Variants in CAST observed in about 807,000 individuals in gnomAD.
The protein encoded by CAST is calpastatin.
CAST carries 76 observed loss-of-function variants against 119.6 expected under a neutral mutation model. That is an observed-to-expected ratio of 0.64 (90% CI 0.53 to 0.77). CAST has a LOEUF of 0.77. Among genes scored for constraint, CAST ranks in the 30% least tolerant of loss-of-function variants. The pLI is 0.00. For synonymous variants in CAST, 319 were observed against 331.6 expected (o/e 0.96, Z 0.41); for missense variants, 953 against 946.5 (o/e 1.01, Z -0.09).
At chr5:96,451,174 G>A in the CAST span, among the ~76,000 whole-genome samples, 1 of 152,128 alleles carries the variant, frequency 6.6e-6, no homozygotes, top group Non-Finnish European at 1.5e-5. Context: ...GTACACTCCT[G>A]GAGGGCAGAC....
the CAST span, among the ~76,000 whole-genome samples, chr5:96,491,407 C>T: frequency 7.3e-6 from 1 of 137,350 alleles, no homozygotes; most frequent in African/African-American, 2.7e-5. Context: ...AGGAGAATGG[C>T]GTGAACCCGG....
At chr5:96,751,271 T>C (rs568684089) in intron 20 of CAST, among the ~76,000 whole-genome samples, 30 of 152,360 alleles carry the variant, frequency 2.0e-4, no homozygotes, top group African/African-American at 7.0e-4. Flanking sequence ...GATGGAATTA[T>C]ATTTCAATTG....
intron 1 of CAST, among the ~76,000 whole-genome samples, chr5:96,656,122 T>G (rs1267792359): frequency 6.6e-6 from 1 of 152,254 alleles, no homozygotes; most frequent in Non-Finnish European, 1.5e-5. Context: ...TGAAACTTCA[T>G]GTTCAAATCA....
rs768345413 is a variant in CAST, at chr5:96,750,543, C to T, written c.1429-44C>T. The T allele has an allele frequency of 1.3e-5, 17 of 1,293,738 alleles. No individual in the cohort carries two copies. In the Admixed American group the frequency reaches 2.9e-4, roughly 22 times the overall value. The allele number at this position is 1,293,738 out of a possible 1,614,324, so 80.1% of individuals were successfully genotyped here. On this transcript the variant is annotated intron_variant, in intron 19 of 31. Transcript: ENST00000675179. ...TCTACCATTACTCAGTCTTATTAAC[C>T]AAATATTTCTAAACTTATTGAGAGT...
At chr5:96,289,588 G>T in the CAST span, among the ~76,000 whole-genome samples, 1 of 152,120 alleles carries the variant, frequency 6.6e-6, no homozygotes, top group East Asian at 1.9e-4. Context: ...CTTCTGCCAT[G>T]ATTGTGTGGC....
At chr5:96,606,280 G>C (rs1747253964) in intron 1 of CAST, among the ~76,000 whole-genome samples, 1 of 152,254 alleles carries the variant, frequency 6.6e-6, no homozygotes, top group Non-Finnish European at 1.5e-5. Context: ...TTTGGAAGCA[G>C]TTAACCAGTA....
intron 1 of CAST, among the ~76,000 whole-genome samples, chr5:96,619,639 C>G (rs770330964): frequency 6.6e-6 from 1 of 152,222 alleles, no homozygotes; most frequent in Non-Finnish European, 1.5e-5. Context: ...AGGTCTACAG[C>G]TTCACTCCTG....
the CAST span, among the ~76,000 whole-genome samples, chr5:96,060,720 T>C: frequency 6.6e-6 from 1 of 152,126 alleles, no homozygotes; most frequent in Non-Finnish European, 1.5e-5. Flanking sequence ...AGGCTGACCA[T>C]ATGATATAAG....
chr5:96,129,415 T>C, the CAST span, among the ~76,000 whole-genome samples: 1 of 152,032 alleles, frequency 6.6e-6, no homozygotes, highest in East Asian at 1.9e-4. Context: ...CAAGAGGAAG[T>C]CTTGTCCTGG....
the CAST span, among the ~76,000 whole-genome samples, chr5:96,069,591 T>C: frequency 6.6e-6 from 1 of 151,774 alleles, no homozygotes; most frequent in South Asian, 2.1e-4. Flanking sequence ...CAAGTGGTCC[T>C]TCCATCTCAG....
Position 96,596,595 on chromosome 5 carries a change from G to A in CAST, c.60+66715G>A, listed in dbSNP as rs143346434. On this transcript the variant is annotated intron_variant, in intron 1 of 11. Coordinates refer to the CAST transcript ENST00000505143. ...GGACTAAGCTATAGAGCTCTTTGTG[G>A]TCACTACAGCCATGCTCATGAAAAA... 2.8e-3 allele frequency among the ~76,000 whole-genome samples: 426 copies of A among 152,284 alleles called. 5 individuals are homozygous for A. Among genetic ancestry groups the A allele is most frequent in the Non-Finnish European group, 5.0e-3 (339 of 68,020 alleles).
At chr5:96,146,911 G>A in the CAST span, among the ~76,000 whole-genome samples, 110 of 152,316 alleles carry the variant, frequency 7.2e-4, no homozygotes, top group African/African-American at 2.5e-3. Flanking sequence ...GCTCTTAACT[G>A]CCTCAGTCAA....
chr5:96,757,118 C>G lies in CAST; in HGVS notation c.1711-326C>G, dbSNP rs372330696. On this transcript the variant is annotated intron_variant, in intron 22 of 31. Coordinates refer to ENST00000675179, the MANE Select transcript of CAST (RefSeq NM_001750.7). ...GGCTTATCCCACACTGTCCTGCAAA[C>G]CCCAGTCACAGCACCACATACCACA... Among the ~76,000 whole-genome samples the G allele has an allele frequency of 6.6e-5, 10 of 152,330 alleles. No individual in the cohort carries two copies. The South Asian group carries it at 1.9e-3, about 28-fold the overall frequency.
chr5:96,232,506 A>G, the CAST span, among the ~76,000 whole-genome samples: 322 of 152,252 alleles, frequency 2.1e-3, 3 homozygotes, highest in African/African-American at 7.3e-3. Context: ...AAGAAAATCT[A>G]TGGAGAAAAG....
chr5:96,585,105 T>G (rs971692292), intron 1 of CAST: 1 of 152,176 alleles, frequency 6.6e-6, no homozygotes, highest in African/African-American at 2.4e-5. Context: ...CTAATTGATA[T>G]TAATATGTAA....
chr5:96,587,014 A>C (rs1051064516), intron 1 of CAST, among the ~76,000 whole-genome samples: 1 of 152,210 alleles, frequency 6.6e-6, no homozygotes, highest in African/African-American at 2.4e-5. Flanking sequence ...TCAAACCGAG[A>C]TTTATTCAAG....
At chr5:96,305,400 CAAAGACA>C in the CAST span, among the ~76,000 whole-genome samples, 1 of 152,222 alleles carries the variant, frequency 6.6e-6, no homozygotes, top group Non-Finnish European at 1.5e-5. Flanking sequence ...CATCTGCAAA[CAAAGACA>C]ATTTGACTTT....
rs199768677 is a variant in CAST at position 96,722,934 on chromosome 5, GTTGTTTTGTT to G, written c.270+255_270+264del. ...ATCTAGAAAAGTAGAGTCACCTAGA[GTTGTTTTGTT>G]TTGTTTTGTTTTGTTTTGAGACAGG... On this transcript the variant is annotated intron_variant, in intron 4 of 31. Coordinates refer to ENST00000675179, the MANE Select transcript of CAST (RefSeq NM_001750.7). Among the ~76,000 whole-genome samples the G allele has an allele frequency of 2.7e-3, 406 of 151,866 alleles. 2 individuals are homozygous for G. The highest frequency in any genetic ancestry group is 4.4e-3 in the Non-Finnish European group (300 of 67,950).
intron 1 of CAST, among the ~76,000 whole-genome samples, chr5:96,638,491 C>T (rs1427856397): frequency 6.6e-6 from 1 of 152,194 alleles, no homozygotes; most frequent in Non-Finnish European, 1.5e-5. Flanking sequence ...TGCTTCTCTT[C>T]CATAGGAAAA....
Sources: gnomAD v4.1 joint callset for allele counts (sites outside exome capture counted in the v4.1 genomes callset) on GRCh38, gnomAD v4.1.1 for gene constraint, MANE v1.5 for transcripts, NCBI Gene and HGNC (gene_info 2026-07-23, HGNC 2026-07-21) for gene names.